Variants in HPSE2 observed in about 807,000 individuals in gnomAD.
HPSE2 encodes heparanase 2 (inactive), also known as inactive heparanase-2.
Under a neutral mutation model 60.5 loss-of-function variants are expected in HPSE2, and 38 were observed. That is an observed-to-expected ratio of 0.63 (90% CI 0.48 to 0.82). The LOEUF (loss-of-function observed/expected upper bound fraction) is 0.82. Among genes scored for constraint, HPSE2 ranks in the 40% least tolerant of loss-of-function variants. The pLI, the probability that HPSE2 is intolerant of heterozygous loss-of-function variation, is 0.00. For missense variants in HPSE2, 713 were observed against 740.4 expected, an observed-to-expected ratio of 0.96 and a Z score of 0.43; for synonymous variants, 295 against 293.2, an observed-to-expected ratio of 1.01 and a Z score of -0.06.
In HPSE2 at chr10:98,690,146, A is replaced by T. The variant is rs755980262; in HGVS notation, c.1004+3754T>A. 5.3e-5 allele frequency among the ~76,000 whole-genome samples: 8 copies of T among 152,212 alleles called. 1 individual carries two copies. The Middle Eastern group carries it at 9.5e-3, about 181-fold the overall frequency. ...CCTTCTTTTTGAGATTTCTACCCTCAATTTCCAGCCTTTGACTCCTTCTCC... is the reference window on the plus strand; with the variant it reads ...CCTTCTTTTTGAGATTTCTACCCTCTATTTCCAGCCTTTGACTCCTTCTCC... On this transcript the variant is annotated intron_variant, in intron 6 of 11. Transcript: ENST00000370552.
In HPSE2 at chr10:99,078,035, G is replaced by A. The variant is rs542291500; in HGVS notation, c.610+66203C>T. Among the ~76,000 whole-genome samples the A allele has an allele frequency of 3.8e-4, 58 of 152,112 alleles. No individual in the cohort carries two copies. The South Asian group carries it at 0.011, about 28-fold the overall frequency. On this transcript the variant is annotated intron_variant, in intron 3 of 11. Coordinates refer to ENST00000370552, the MANE Select transcript of HPSE2 (RefSeq NM_021828.5). ...TTCTCCCTCTCTCTGTCTTGCTCCC[G>A]TTCCATGTGATATGGGCCTGCTCCC...
the HPSE2 span, among the ~76,000 whole-genome samples, chr10:99,259,948 C>T: frequency 3.3e-5 from 5 of 152,202 alleles, no homozygotes; most frequent in Non-Finnish European, 7.4e-5. Flanking sequence ...AACCCGAAAT[C>T]ATCCCCACCC....
intron 9 of HPSE2, among the ~76,000 whole-genome samples, chr10:98,568,863 G>T (rs1465062775): frequency 6.6e-6 from 1 of 152,114 alleles, no homozygotes; most frequent in Non-Finnish European, 1.5e-5. Context: ...CATTGCTTTT[G>T]TGAGTTTTAA....
chr10:98,766,524 C>T (rs7902691), intron 3 of HPSE2, among the ~76,000 whole-genome samples: 107,679 of 152,090 alleles, frequency 0.71, 39,141 homozygotes, highest in South Asian at 0.81. Context: ...AAAAATGTAA[C>T]AAAAATCCCC....
chr10:99,088,136 G>A (rs376741341), intron 3 of HPSE2, among the ~76,000 whole-genome samples: 12 of 151,908 alleles, frequency 7.9e-5, no homozygotes, highest in African/African-American at 2.7e-4. Flanking sequence ...TTACCTTTAT[G>A]ACCTGCTCCC....
intron 9 of HPSE2, among the ~76,000 whole-genome samples, chr10:98,577,137 C>T (rs1944663116): frequency 6.7e-6 from 1 of 150,190 alleles, no homozygotes; most frequent in South Asian, 2.2e-4. Context: ...CATAGTTATC[C>T]ATGATACCCA....
At chr10:98,607,968 GT>G (rs1945641170) in intron 9 of HPSE2, among the ~76,000 whole-genome samples, 1 of 152,136 alleles carries the variant, frequency 6.6e-6, no homozygotes, top group South Asian at 2.1e-4. Context: ...AATAATAATA[GT>G]GATTAACATT....
chr10:99,238,590 CG>C (rs1453905177), upstream of HPSE2, among the ~76,000 whole-genome samples: 3 of 152,120 alleles, frequency 2.0e-5, no homozygotes, highest in Non-Finnish European at 4.4e-5. Context: ...GGTTAGCCCT[CG>C]TTGGTCTCTA....
At position 99,182,597 on chromosome 10, in the gene HPSE2, T is replaced by C. The variant is rs376037091; in HGVS notation, c.449-38198A>G. The stretch of plus-strand genomic sequence containing the variant: ...GCACCCTGAAAGGCAGTCCAGGAGA[T>C]ATCTGGGGACAGGGAGACATTCTGA... On this transcript the variant is annotated intron_variant, in intron 2 of 11. Transcript: ENST00000370552. Among the ~76,000 whole-genome samples, 7 of 152,336 alleles carry C rather than the reference T, an allele frequency of 4.6e-5. No individual in the cohort carries two copies. The East Asian group carries it at 1.2e-3, about 25-fold the overall frequency.
chr10:99,310,168 A>C, the HPSE2 span, among the ~76,000 whole-genome samples: 1 of 152,174 alleles, frequency 6.6e-6, no homozygotes, highest in Non-Finnish European at 1.5e-5. Context: ...TTTAGGGCCC[A>C]CCTGGAAAAT....
At chr10:99,155,489 G>T (rs1846504941) in intron 2 of HPSE2, among the ~76,000 whole-genome samples, 2 of 147,778 alleles carry the variant, frequency 1.4e-5, no homozygotes. Flanking sequence ...TGAACAACCT[G>T]CTCCTGAATG....
In HPSE2 at chr10:98,942,111, TA is replaced by T. The variant is rs912228221; in HGVS notation, c.611-198056del. ...GGATTAAAGACTTAAACATTAGACC[TA>T]AAACCATAAAAACCCTAGAAGAAAA... On this transcript the variant is annotated intron_variant, in intron 3 of 11. Coordinates refer to ENST00000370552, the MANE Select transcript of HPSE2 (RefSeq NM_021828.5). Among the ~76,000 whole-genome samples, 8 of 140,524 alleles carry T rather than the reference TA, an allele frequency of 5.7e-5. 1 individual carries two copies. Among genetic ancestry groups the T allele is most frequent in the African/African-American group, 2.3e-4 (8 of 34,146 alleles). The allele number at this position is 140,524 out of a possible 152,430, so 92.2% of individuals were successfully genotyped here.
At chr10:98,982,032 T>C (rs1956218717) in intron 3 of HPSE2, among the ~76,000 whole-genome samples, 1 of 152,044 alleles carries the variant, frequency 6.6e-6, no homozygotes, top group South Asian at 2.1e-4. Context: ...AGAAAATAGT[T>C]CTCTATCCTT....
intron 9 of HPSE2, among the ~76,000 whole-genome samples, chr10:98,606,336 G>C (rs779578656): frequency 5.3e-5 from 8 of 152,150 alleles, no homozygotes; most frequent in Non-Finnish European, 1.0e-4. Context: ...CTCAATTCTG[G>C]CTTCACGTTG....
At chr10:98,539,130 G>A (rs184497437) in intron 9 of HPSE2, among the ~76,000 whole-genome samples, 159 of 152,296 alleles carry the variant, frequency 1.0e-3, no homozygotes, top group African/African-American at 3.8e-3. Flanking sequence ...GTTGCAATCA[G>A]TTTTTGGTCC....
chr10:99,059,105 T>A (rs1342578), intron 3 of HPSE2, among the ~76,000 whole-genome samples: 74,775 of 152,118 alleles, frequency 0.49, 20,816 homozygotes, highest in East Asian at 0.65. Context: ...TTTCAATCAT[T>A]TAAAAATGTT....
intron 3 of HPSE2, among the ~76,000 whole-genome samples, chr10:98,833,495 T>A (rs1951727752): frequency 6.6e-6 from 1 of 152,202 alleles, no homozygotes; most frequent in African/African-American, 2.4e-5. Context: ...TATTAATAGG[T>A]AACATTCATT....
chr10:99,085,771 A>G (rs540917116), intron 3 of HPSE2, among the ~76,000 whole-genome samples: 4 of 152,336 alleles, frequency 2.6e-5, no homozygotes, highest in African/African-American at 9.6e-5. Context: ...GCAAAAGCCG[A>G]ATTCCTCAGT....
chr10:98,458,523 A>AGGCAAAAAGGTTAGATTCAGTT lies in HPSE2; in HGVS notation c.*1029_*1050dup, dbSNP rs1472275732. The AGGCAAAAAGGTTAGATTCAGTT allele has an allele frequency of 6.6e-6, 1 of 152,230 alleles. No individual in the cohort carries two copies. Among genetic ancestry groups the AGGCAAAAAGGTTAGATTCAGTT allele is most frequent in the African/African-American group, 2.4e-5 (1 of 41,456 alleles). The allele number at this position is 152,230 out of a possible 1,614,324, so 9.4% of individuals were successfully genotyped here. The stretch of plus-strand genomic sequence containing the variant: ...TAGCTCAAATAGGCTACTTGGGAAG[A>AGGCAAAAAGGTTAGATTCAGTT]GGCAAAAAGGTTAGATTCAGTTGTG... On this transcript the variant is annotated 3_prime_UTR_variant, in exon 12 of 12. Coordinates refer to ENST00000370552, the MANE Select transcript of HPSE2 (RefSeq NM_021828.5).
Sources: allele counts gnomAD v4.1 joint callset (sites outside exome capture counted in the v4.1 genomes callset), GRCh38; gene constraint gnomAD v4.1.1; transcripts MANE v1.5; gene names NCBI Gene and HGNC (gene_info 2026-07-23, HGNC 2026-07-21).